The following SNCAIP variants were observed in gnomAD, a reference collection of about 807,000 sequenced individuals.
The protein encoded by SNCAIP is synuclein alpha interacting protein.
A neutral mutation model predicts 86.7 loss-of-function variants in SNCAIP; 43 were observed. The observed-to-expected ratio is 0.50, with a 90% CI of 0.39 to 0.64. SNCAIP has a LOEUF of 0.64. Among genes scored for constraint, SNCAIP ranks in the 30% least tolerant of loss-of-function variants. SNCAIP has a pLI of 0.00. For synonymous variants in SNCAIP, 417 were observed against 427.2 expected, an observed-to-expected ratio of 0.98 and a Z score of 0.29; for missense variants, 981 against 1,103.1, an observed-to-expected ratio of 0.89 and a Z score of 1.57.
intron 1 of SNCAIP, among the ~76,000 whole-genome samples, chr5:122,387,652 A>C (rs1768463764): frequency 6.6e-6 from 1 of 152,164 alleles, no homozygotes; most frequent in South Asian, 2.1e-4. Context: ...CCCTGGAGTC[A>C]CAGCAGTGAA....
At chr5:122,347,362 G>A (rs1025599531) in intron 1 of SNCAIP, among the ~76,000 whole-genome samples, 2 of 150,884 alleles carry the variant, frequency 1.3e-5, no homozygotes, top group East Asian at 1.9e-4. Context: ...TTTTTTGACC[G>A]GTTGTAGGAG....
chr5:122,326,586 G>T (rs1465196497), intron 1 of SNCAIP, among the ~76,000 whole-genome samples: 1 of 137,728 alleles, frequency 7.3e-6, no homozygotes, highest in Non-Finnish European at 1.5e-5. Flanking sequence ...TAGAGAGAAA[G>T]GGAACTTCAG....
rs73281404 is a variant in SNCAIP, at chr5:122,328,542, T to C, written c.-47+16258T>C. ...TACTTATTTGTTAAATTGTTCTGAA[T>C]ATTATTGTCTCCTTTCCATCCCCAT... On this transcript the variant is annotated intron_variant, in intron 1 of 10. Coordinates refer to ENST00000261368, the MANE Select transcript of SNCAIP (RefSeq NM_005460.4). Among the ~76,000 whole-genome samples the C allele has an allele frequency of 8.5e-3, 1,292 of 152,358 alleles. 18 individuals are homozygous for C. Among genetic ancestry groups the C allele is most frequent in the African/African-American group, 0.03 (1,240 of 41,580 alleles).
intron 1 of SNCAIP, among the ~76,000 whole-genome samples, chr5:122,385,671 GTA>G (rs1380758058): frequency 3.6e-4 from 51 of 142,350 alleles, no homozygotes; most frequent in Middle Eastern, 3.6e-3. Context: ...GTGTGCGCAC[GTA>G]TGTGTGTGTG....
intron 4 of SNCAIP, among the ~76,000 whole-genome samples, chr5:122,424,970 T>C (rs1284746404): frequency 2.0e-5 from 3 of 152,222 alleles, no homozygotes; most frequent in African/African-American, 7.2e-5. Flanking sequence ...AATAGCTCAT[T>C]CATTCAACAA....
chr5:122,365,714 T>C (rs1362491248), intron 1 of SNCAIP, among the ~76,000 whole-genome samples: 1 of 152,048 alleles, frequency 6.6e-6, no homozygotes, highest in African/African-American at 2.4e-5. Flanking sequence ...CCCTGTTTGG[T>C]CTCATGGTTT....
At chr5:122,460,640 GTTAA>G (rs989892825) in intron 10 of SNCAIP, among the ~76,000 whole-genome samples, 1 of 152,018 alleles carries the variant, frequency 6.6e-6, no homozygotes, top group Non-Finnish European at 1.5e-5. Flanking sequence ...AGTATTCAGT[GTTAA>G]TTATCATTAT....
At chr5:122,457,598 T>C (rs1236605928) in intron 10 of SNCAIP, among the ~76,000 whole-genome samples, 1 of 151,960 alleles carries the variant, frequency 6.6e-6, no homozygotes, top group East Asian at 1.9e-4. Context: ...CCCCGCCAAC[T>C]CTTTCTCTCT....
At chr5:122,340,498 C>G (rs1757345326) in intron 1 of SNCAIP, among the ~76,000 whole-genome samples, 1 of 152,144 alleles carries the variant, frequency 6.6e-6, no homozygotes, top group Non-Finnish European at 1.5e-5. Context: ...CTCTGTTCCT[C>G]CACCAGGAAA....
intron 1 of SNCAIP, among the ~76,000 whole-genome samples, chr5:122,343,403 G>C (rs1757976173): frequency 1.4e-5 from 2 of 147,784 alleles, no homozygotes; most frequent in South Asian, 4.6e-4. Context: ...ACTGGAGATT[G>C]TTCAGATTAG....
chr5:122,446,897 C>G (rs1223098377), intron 8 of SNCAIP, among the ~76,000 whole-genome samples: 1 of 152,180 alleles, frequency 6.6e-6, no homozygotes, highest in Non-Finnish European at 1.5e-5. Context: ...AAATGGCAAC[C>G]TTCAGCTCTA....
chr5:122,422,729 A>G (rs1285230707), intron 3 of SNCAIP, 139 bp from the exon 4 acceptor site: 50 of 670,456 alleles, frequency 7.5e-5, no homozygotes, highest in South Asian at 5.9e-4. Flanking sequence ...TTTTTGTTCT[A>G]TTGATGTGCA....
chr5:122,423,221 A>G lies in SNCAIP; in HGVS notation c.484A>G (p.Ser162Gly), dbSNP rs1776743948. The G allele has an allele frequency of 3.1e-6, 5 of 1,614,220 alleles. No individual in the cohort carries two copies. The East Asian group carries it at 1.1e-4, about 36-fold the overall frequency. Reference sequence around the variant, plus strand: ...TCTGGATGTGCCTTATATTAAATCCAGTCAGCAGCTTGCCTCTTTTACCAA... The same window carrying G: ...TCTGGATGTGCCTTATATTAAATCCGGTCAGCAGCTTGCCTCTTTTACCAA... ...EILDVPYIKS[S>G]QQLASFTKVT... The change falls in exon 4 of 11, where the codon AGT becomes GGT. Residue 162 changes from serine to glycine, a missense_variant. Ser to Gly is a moderately conservative substitution (Grantham distance 56). Coordinates refer to ENST00000261368, the MANE Select transcript of SNCAIP (RefSeq NM_005460.4).
chr5:122,441,588 T>C (rs1309627960), intron 7 of SNCAIP, among the ~76,000 whole-genome samples: 1 of 152,122 alleles, frequency 6.6e-6, no homozygotes, highest in African/African-American at 2.4e-5. Context: ...CATCCCTCAG[T>C]TGAATGCAGA....
At chr5:122,329,166 C>A (rs181401022) in intron 1 of SNCAIP, among the ~76,000 whole-genome samples, 55 of 151,488 alleles carry the variant, frequency 3.6e-4, no homozygotes, top group Admixed American at 2.6e-3. Flanking sequence ...GTTTACTGAG[C>A]ACTTATTGTA....
At chr5:122,378,584 C>T (rs1765910477) in intron 1 of SNCAIP, among the ~76,000 whole-genome samples, 1 of 142,664 alleles carries the variant, frequency 7.0e-6, no homozygotes, top group Non-Finnish European at 1.5e-5. Context: ...GTTGCCATTG[C>T]TTTTGGTGTT....
chr5:122,462,086 C>CT (rs952594179), intron 10 of SNCAIP, among the ~76,000 whole-genome samples: 3 of 151,972 alleles, frequency 2.0e-5, no homozygotes, highest in African/African-American at 7.3e-5. Flanking sequence ...TTGTTTCTTG[C>CT]TTTTTTTTAT....
At chr5:122,445,222 TA>T (rs1782012630) in intron 8 of SNCAIP, among the ~76,000 whole-genome samples, 2 of 152,318 alleles carry the variant, frequency 1.3e-5, no homozygotes, top group African/African-American at 2.4e-5. Context: ...AAATTTCTTA[TA>T]AAAATTAATC....
intron 10 of SNCAIP, among the ~76,000 whole-genome samples, chr5:122,460,034 T>C (rs138298538): frequency 1.3e-3 from 192 of 152,224 alleles, no homozygotes; most frequent in African/African-American, 4.4e-3. Context: ...TAAACACTTA[T>C]AAAGCACGTA....
Sources: gnomAD v4.1 joint callset for allele counts (sites outside exome capture counted in the v4.1 genomes callset) on GRCh38, gnomAD v4.1.1 for gene constraint, MANE v1.5 for transcripts, NCBI Gene and HGNC (gene_info 2026-07-23, HGNC 2026-07-21) for gene names.